GRID1: variants seen among roughly 807,000 people sequenced by gnomAD.
The protein encoded by GRID1 is glutamate receptor ionotropic, delta-1.
A neutral mutation model predicts 98.0 loss-of-function variants in GRID1; 28 were observed. That is an observed-to-expected ratio of 0.29 (90% CI 0.21 to 0.39). The LOEUF (loss-of-function observed/expected upper bound fraction) is 0.39. Among genes scored for constraint, GRID1 ranks in the 10% least tolerant of loss-of-function variants. GRID1 has a pLI of 1.00. For missense variants in GRID1, 1,111 were observed against 1,340.5 expected, an observed-to-expected ratio of 0.83 and a Z score of 2.67; for synonymous variants, 553 against 538.5, an observed-to-expected ratio of 1.03 and a Z score of -0.37.
intron 4 of GRID1, among the ~76,000 whole-genome samples, chr10:85,988,596 G>A (rs973390075): frequency 5.9e-5 from 9 of 152,160 alleles, no homozygotes; most frequent in African/African-American, 1.7e-4. Context: ...CAAGGTCACC[G>A]TTGCCCATAG....
intron 13 of GRID1, among the ~76,000 whole-genome samples, chr10:85,626,453 G>A (rs937051350): frequency 6.6e-6 from 1 of 152,202 alleles, no homozygotes; most frequent in Non-Finnish European, 1.5e-5. Flanking sequence ...AAATGGCAAT[G>A]CCTGTCTTTC....
At chr10:85,710,835 A>T (rs1841574175) in intron 12 of GRID1, among the ~76,000 whole-genome samples, 1 of 152,094 alleles carries the variant, frequency 6.6e-6, no homozygotes, top group South Asian at 2.1e-4. Flanking sequence ...GGAGATATGC[A>T]AATTTGACAA....
chr10:85,861,998 C>T (rs915805245), intron 6 of GRID1, among the ~76,000 whole-genome samples: 5 of 148,534 alleles, frequency 3.4e-5, no homozygotes, highest in African/African-American at 1.2e-4. Flanking sequence ...CTCAGATACA[C>T]GTCTTCCACA....
At chr10:86,059,369 G>A (rs1435123970) in intron 4 of GRID1, among the ~76,000 whole-genome samples, 1 of 152,264 alleles carries the variant, frequency 6.6e-6, no homozygotes, top group African/African-American at 2.4e-5. Flanking sequence ...ACTGTCTTCA[G>A]TTCGCACCTA....
rs186328244 is a variant in GRID1 at position 86,097,217 on chromosome 10, G to A, written c.726+41602C>T. ...AGACAGCCTGTCATGGGACTTCTCA[G>A]CCTCCATAATCATGTGAGCCAATCC... On this transcript the variant is annotated intron_variant, in intron 4 of 15. Transcript: ENST00000327946. 1.4e-3 allele frequency among the ~76,000 whole-genome samples: 214 copies of A among 152,276 alleles called. 1 individual carries two copies. The highest frequency in any genetic ancestry group is 3.4e-3 in the Middle Eastern group (1 of 294).
At chr10:86,145,089 A>G (rs1276525375) in intron 3 of GRID1, among the ~76,000 whole-genome samples, 1 of 152,242 alleles carries the variant, frequency 6.6e-6, no homozygotes, top group Non-Finnish European at 1.5e-5. Flanking sequence ...AACACAATTT[A>G]TGTAACAGTT....
chr10:86,281,138 G>T (rs1484825619), intron 2 of GRID1, among the ~76,000 whole-genome samples: 1 of 152,160 alleles, frequency 6.6e-6, no homozygotes, highest in African/African-American at 2.4e-5. Flanking sequence ...CCTCCATCAG[G>T]GCCTGGCACA....
At chr10:86,251,129 A>T (rs1187290167) in intron 2 of GRID1, among the ~76,000 whole-genome samples, 1 of 152,204 alleles carries the variant, frequency 6.6e-6, no homozygotes, top group Non-Finnish European at 1.5e-5. Flanking sequence ...TTTGTTAAAC[A>T]GATGCTTGAA....
intron 4 of GRID1, among the ~76,000 whole-genome samples, chr10:86,048,471 G>A (rs1843455501): frequency 1.3e-5 from 2 of 152,212 alleles, no homozygotes; most frequent in Admixed American, 1.3e-4. Flanking sequence ...CTTGTCAGGG[G>A]AGGCCAGAGT....
At chr10:86,233,316 A>G (rs2607838) in intron 2 of GRID1, among the ~76,000 whole-genome samples, 142,286 of 152,270 alleles carry the variant, frequency 0.93, 67,129 homozygotes, top group African/African-American at 0.98. Flanking sequence ...CAAGGGGCCA[A>G]TTTCTATAAT....
At chr10:85,614,793 A>C (rs763486654) in intron 14 of GRID1, among the ~76,000 whole-genome samples, 32 of 152,128 alleles carry the variant, frequency 2.1e-4, no homozygotes, top group Non-Finnish European at 4.0e-4. Flanking sequence ...TGGTGGGACA[A>C]CCCATGCTGC....
At chr10:86,130,930 T>C (rs956259297) in intron 4 of GRID1, among the ~76,000 whole-genome samples, 8 of 152,120 alleles carry the variant, frequency 5.3e-5, no homozygotes, top group Non-Finnish European at 1.2e-4. Context: ...CACCTGCCCG[T>C]CTGCGTGCCC....
intron 10 of GRID1, among the ~76,000 whole-genome samples, chr10:85,725,537 C>A (rs900315885): frequency 3.9e-5 from 6 of 152,110 alleles, no homozygotes; most frequent in African/African-American, 1.4e-4. Flanking sequence ...GTTTCATGTC[C>A]GGATGGGTGG....
intron 8 of GRID1, among the ~76,000 whole-genome samples, chr10:85,764,672 C>A (rs1158793735): frequency 6.6e-6 from 1 of 152,210 alleles, no homozygotes; most frequent in East Asian, 1.9e-4. Flanking sequence ...AAACCCATGA[C>A]TTCAAGTTTA....
intron 12 of GRID1, among the ~76,000 whole-genome samples, chr10:85,649,578 T>C (rs73326604): frequency 0.07 from 10,596 of 152,110 alleles, 495 homozygotes; most frequent in African/African-American, 0.13. Context: ...GGATAAATTA[T>C]ACAGTTGAGT....
chr10:85,708,730 C>T (rs1359521810), intron 12 of GRID1: 2 of 153,236 alleles, frequency 1.3e-5, no homozygotes, highest in Admixed American at 6.5e-5. Context: ...CTGGGTAACA[C>T]ATACACCCAT....
chr10:86,328,091 T>G (rs545197209), intron 2 of GRID1, among the ~76,000 whole-genome samples: 2 of 152,312 alleles, frequency 1.3e-5, no homozygotes, highest in Non-Finnish European at 2.9e-5. Context: ...TTATATGAAA[T>G]AGCACAGCAA....
chr10:86,171,912 A>G (rs1845493875), intron 3 of GRID1, among the ~76,000 whole-genome samples: 1 of 152,184 alleles, frequency 6.6e-6, no homozygotes, highest in African/African-American at 2.4e-5. Context: ...CCTACGCGGC[A>G]TGCCAGGAAA....
chr10:85,716,677 T>C (rs1051575441), intron 12 of GRID1, among the ~76,000 whole-genome samples: 37 of 148,372 alleles, frequency 2.5e-4, no homozygotes, highest in African/African-American at 8.1e-4. Context: ...AATGTAATTA[T>C]TTGTATATAT....
Sources: allele counts gnomAD v4.1 joint callset (sites outside exome capture counted in the v4.1 genomes callset), GRCh38; gene constraint gnomAD v4.1.1; transcripts MANE v1.5; gene names NCBI Gene and HGNC (gene_info 2026-07-23, HGNC 2026-07-21).